TMEM71: variants seen among roughly 807,000 people sequenced by gnomAD.
TMEM71 encodes transmembrane protein 71.
A neutral mutation model predicts 38.0 loss-of-function variants in TMEM71; 44 were observed. The ratio of observed to expected loss-of-function variants is 1.16; its 90% CI spans 0.91 to 1.49. TMEM71 has a LOEUF of 1.49. Ranked by LOEUF, TMEM71 falls within the 40% of genes most tolerant of loss-of-function variation. The pLI is 0.00. For missense variants in TMEM71, 367 were observed against 348.6 expected, an observed-to-expected ratio of 1.05 and a Z score of -0.42; for synonymous variants, 133 against 122.5, an observed-to-expected ratio of 1.09 and a Z score of -0.56.
At chr8:132,756,410 A>ATT (rs199782333) in intron 3 of TMEM71, among the ~76,000 whole-genome samples, 49 of 65,904 alleles carry the variant, frequency 7.4e-4, no homozygotes, top group African/African-American at 3.2e-3. Context: ...TAACATATAT[A>ATT]TTATATATAT....
At chr8:132,751,754 C>T in intron 4 of TMEM71, 31 bp downstream of exon 4, 1 of 1,588,120 alleles carries the variant, frequency 6.3e-7, no homozygotes, top group Non-Finnish European at 8.6e-7. Context: ...GATTGGACTT[C>T]AGATTTCTTT....
At chr8:132,746,806 T>A (rs1828412458) in intron 5 of TMEM71, 136 bp downstream of exon 5, 2 of 636,692 alleles carry the variant, frequency 3.1e-6, no homozygotes, top group Non-Finnish European at 5.0e-6. Flanking sequence ...GAACTTTAAG[T>A]GAATTTTAAA....
intron 2 of TMEM71, among the ~76,000 whole-genome samples, chr8:132,757,547 C>T (rs1829093412): frequency 6.6e-6 from 1 of 152,072 alleles, no homozygotes; most frequent in Non-Finnish European, 1.5e-5. Flanking sequence ...TCTAGAAGTT[C>T]CGGGCGCAGT....
intron 6 of TMEM71, among the ~76,000 whole-genome samples, chr8:132,726,751 C>G (rs1339622000): frequency 6.6e-6 from 1 of 152,174 alleles, no homozygotes; most frequent in Non-Finnish European, 1.5e-5. Flanking sequence ...TACAGCTTTG[C>G]TCCTGCCAGA....
At chr8:132,742,663 A>T (rs916518343) in intron 5 of TMEM71, among the ~76,000 whole-genome samples, 9 of 152,226 alleles carry the variant, frequency 5.9e-5, no homozygotes, top group African/African-American at 2.2e-4. Context: ...CATAGCACAT[A>T]CTCAGTGAGT....
intron 4 of TMEM71, among the ~76,000 whole-genome samples, chr8:132,748,763 G>T (rs1196911117): frequency 6.6e-6 from 1 of 152,176 alleles, no homozygotes; most frequent in Admixed American, 6.5e-5. Context: ...AAAAAGTATG[G>T]ATGAGACATC....
At chr8:132,747,146 A>C in intron 4 of TMEM71, 32 bp from the exon 5 acceptor site, 1 of 1,525,194 alleles carries the variant, frequency 6.6e-7, no homozygotes, top group East Asian at 2.4e-5. Context: ...GTGAACAACG[A>C]ATAATAGTTA....
At position 132,727,982 on chromosome 8, in the gene TMEM71, A is replaced by G. The variant is rs201708654; in HGVS notation, c.492T>C (p.Asp164=). Residue 164 remains aspartate (D), a synonymous_variant, in exon 6 of 10, where the codon GAT becomes GAC. Coordinates refer to ENST00000677595, the MANE Select transcript of TMEM71 (RefSeq NM_001382403.1). The stretch of plus-strand genomic sequence containing the variant: ...CAGTCAGAGAAGAACAGTCTAAATC[A>G]TCTGCTGAAAAAGCAGAGGGGTTCA... ...LDTDHCNGNA[D]DLDCSSLTDD... is the part of the protein sequence containing the mutation. 6.1e-5 allele frequency: 98 copies of G among 1,608,576 alleles called. No homozygotes were observed. The Admixed American group carries it at 1.6e-3, about 26-fold the overall frequency.
intron 5 of TMEM71, among the ~76,000 whole-genome samples, chr8:132,730,957 C>G (rs778678402): frequency 6.6e-6 from 1 of 152,020 alleles, no homozygotes; most frequent in Non-Finnish European, 1.5e-5. Flanking sequence ...GAAGGCATCA[C>G]TTATGGACAG....
intron 6 of TMEM71, among the ~76,000 whole-genome samples, chr8:132,726,119 G>C (rs1191696135): frequency 2.6e-5 from 4 of 152,122 alleles, no homozygotes; most frequent in Non-Finnish European, 5.9e-5. Flanking sequence ...CAAATAATGG[G>C]CATGAGAAAG....
Position 132,722,133 on chromosome 8 carries a change from A to C in TMEM71, c.677-18T>G. The stretch of plus-strand genomic sequence containing the variant: ...CCTGGTTTCTAATAGGAAGAACAAA[A>C]ACAAATAAATTAGAAATCATTGCTG... On this transcript the variant is annotated intron_variant, in intron 6 of 9. Coordinates refer to ENST00000677595, the MANE Select transcript of TMEM71 (RefSeq NM_001382403.1). 1 of 1,589,808 alleles carries C rather than the reference A, an allele frequency of 6.3e-7. No individual in the cohort carries two copies. The highest frequency in any genetic ancestry group is 1.7e-5 in the Admixed American group (1 of 59,952).
chr8:132,718,363 C>T (rs1419415976), intron 7 of TMEM71, among the ~76,000 whole-genome samples: 3 of 150,564 alleles, frequency 2.0e-5, no homozygotes, highest in East Asian at 1.9e-4. Context: ...TAAACTTGGT[C>T]GACATTATGG....
intron 5 of TMEM71, among the ~76,000 whole-genome samples, chr8:132,743,612 C>T (rs1003666992): frequency 6.6e-6 from 1 of 152,102 alleles, no homozygotes; most frequent in South Asian, 2.1e-4. Context: ...TTTAGGCTCC[C>T]TCTTTGGAAA....
Position 132,722,108 on chromosome 8 carries a change from C to T in TMEM71, c.684G>A (p.Arg228=). The T allele has an allele frequency of 6.2e-7, 1 of 1,612,900 alleles. No individual in the cohort carries two copies. The highest frequency in any genetic ancestry group is 8.5e-7 in the Non-Finnish European group (1 of 1,179,086). The change falls in exon 7 of 10, where the codon AGG becomes AGA. Residue 228 remains arginine, a synonymous_variant. Transcript: ENST00000677595. ...QENSSDHSET[R]LLQEVFFQAI... is the part of the protein sequence containing the mutation. ...CCTGAAAGAAGACCTCTTGCAACAA[C>T]CTGGTTTCTAATAGGAAGAACAAAA...
At chr8:132,754,519 T>C (rs1459109477) in intron 3 of TMEM71, among the ~76,000 whole-genome samples, 1 of 152,208 alleles carries the variant, frequency 6.6e-6, no homozygotes, top group Non-Finnish European at 1.5e-5. Context: ...TTATTGTTGT[T>C]GTTGTTTTTA....
intron 3 of TMEM71, among the ~76,000 whole-genome samples, chr8:132,753,070 C>T (rs1436396134): frequency 6.6e-6 from 1 of 151,888 alleles, no homozygotes; most frequent in Admixed American, 6.6e-5. Context: ...CCTCTTTTCT[C>T]CCTTAAAAAT....
At chr8:132,709,783 A>G (rs1826151588), downstream of TMEM71, among the ~76,000 whole-genome samples, 1 of 152,098 alleles carries the variant, frequency 6.6e-6, no homozygotes, top group Admixed American at 6.5e-5. Flanking sequence ...GAGCTCCAGA[A>G]CTGTAAAACA....
At chr8:132,726,687 G>A (rs9297856) in intron 6 of TMEM71, among the ~76,000 whole-genome samples, 4,100 of 152,234 alleles carry the variant, frequency 0.027, 189 homozygotes, top group African/African-American at 0.093. Context: ...GTCCAAACAT[G>A]CTTAATCTGA....
the TMEM71 span, among the ~76,000 whole-genome samples, chr8:132,768,653 G>A: frequency 6.6e-6 from 1 of 152,178 alleles, no homozygotes; most frequent in Non-Finnish European, 1.5e-5. Flanking sequence ...TGAATGTTTT[G>A]CAAAATCCAA....
Sources: allele counts gnomAD v4.1 joint callset (sites outside exome capture counted in the v4.1 genomes callset), GRCh38; gene constraint gnomAD v4.1.1; transcripts MANE v1.5; gene names NCBI Gene and HGNC (gene_info 2026-07-23, HGNC 2026-07-21).